Variants in WDFY3 observed in about 807,000 individuals in gnomAD.
The protein encoded by WDFY3 is WD repeat and FYVE domain-containing protein 3.
A neutral mutation model predicts 409.6 loss-of-function variants in WDFY3; 66 were observed. That is an observed-to-expected ratio of 0.16 (90% confidence interval 0.13 to 0.20). The LOEUF is 0.20. WDFY3 is among the 10% of genes least tolerant of loss of function. WDFY3 has a pLI of 1.00. For missense variants in WDFY3, 3,031 were observed against 4,298.1 expected (o/e 0.71, Z 8.24); for synonymous variants, 1,521 against 1,537.1 (o/e 0.99, Z 0.25).
At chr4:84,832,976 A>T (rs747852422) in intron 7 of WDFY3, among the ~76,000 whole-genome samples, 7 of 152,124 alleles carry the variant, frequency 4.6e-5, no homozygotes, top group Non-Finnish European at 1.0e-4. Flanking sequence ...TCAATTTTCT[A>T]TACAAGTAAT....
Position 84,943,497 on chromosome 4 carries a change from C to T in WDFY3, c.-225-11134G>A, listed in dbSNP as rs138992585. On this transcript the variant is annotated intron_variant, in intron 1 of 67. Coordinates refer to ENST00000295888, the MANE Select transcript of WDFY3 (RefSeq NM_014991.6). ...CCAGCCTGGGCGACAGAGCAAGACT[C>T]CGTCTCAGAAAAAAAAAAGAATACA... Among the ~76,000 whole-genome samples the T allele has an allele frequency of 9.4e-3, 1,434 of 151,950 alleles. 9 individuals are homozygous for T. Among genetic ancestry groups the T allele is most frequent in the South Asian group, 0.016 (78 of 4,810 alleles).
intron 41 of WDFY3, among the ~76,000 whole-genome samples, chr4:84,736,608 T>C (rs1222290554): frequency 6.6e-6 from 1 of 152,158 alleles, no homozygotes; most frequent in Non-Finnish European, 1.5e-5. Context: ...TAATAATTCA[T>C]AATCACCTAA....
chr4:84,902,247 T>C (rs1305765152), intron 2 of WDFY3, among the ~76,000 whole-genome samples: 1 of 152,148 alleles, frequency 6.6e-6, no homozygotes, highest in Non-Finnish European at 1.5e-5. Flanking sequence ...CTGTAAACTG[T>C]CACCTGGAAT....
chr4:84,911,091 G>T (rs1767713980), intron 2 of WDFY3, among the ~76,000 whole-genome samples: 1 of 152,080 alleles, frequency 6.6e-6, no homozygotes, highest in South Asian at 2.1e-4. Context: ...AAAAATTAAA[G>T]ACTTTAGTAC....
rs574945057 is a variant in WDFY3, at chr4:84,785,302, G to A, written c.4062+677C>T. On this transcript the variant is annotated intron_variant, in intron 24 of 67. Coordinates refer to ENST00000295888, the MANE Select transcript of WDFY3 (RefSeq NM_014991.6). ...GCAGGTACGTACAGTACACTTCTCAGGGCCTTTGCACTTGTATTCCTGGAA... is the reference window on the plus strand; with the variant it reads ...GCAGGTACGTACAGTACACTTCTCAAGGCCTTTGCACTTGTATTCCTGGAA... Among the ~76,000 whole-genome samples the A allele has an allele frequency of 5.3e-5, 8 of 152,042 alleles. No individual in the cohort carries two copies. In the South Asian group the frequency reaches 1.7e-3, roughly 32 times the overall value.
chr4:84,893,838 A>G (rs527439324), intron 3 of WDFY3, among the ~76,000 whole-genome samples: 1 of 152,226 alleles, frequency 6.6e-6, no homozygotes, highest in South Asian at 2.1e-4. Context: ...TACAAGAAAA[A>G]AATTAGCCAG....
intron 1 of WDFY3, among the ~76,000 whole-genome samples, chr4:84,960,637 A>G (rs1315194037): frequency 6.6e-6 from 1 of 152,026 alleles, no homozygotes; most frequent in Non-Finnish European, 1.5e-5. Context: ...TGTATTTTAC[A>G]AGGTACTCTT....
chr4:84,775,276 T>C lies in WDFY3; in HGVS notation c.4519-138A>G, dbSNP rs368393641. On this transcript the variant is annotated intron_variant, in intron 27 of 67. Coordinates refer to ENST00000295888, the MANE Select transcript of WDFY3 (RefSeq NM_014991.6). ...TTGTAAAGTTCTATAAAACCACTTA[T>C]ATGCAGAAAAAAAATCATTATAAAT... 5.6e-5 allele frequency: 41 copies of C among 729,264 alleles called. 1 individual carries two copies. In the East Asian group the frequency reaches 7.1e-4, roughly 13 times the overall value. The allele number at this position is 729,264 out of a possible 1,614,324, so 45.2% of individuals were successfully genotyped here.
chr4:84,724,615 A>C, intron 45 of WDFY3, 21 bp from the exon 46 acceptor site: 4 of 1,605,216 alleles, frequency 2.5e-6, no homozygotes, highest in Non-Finnish European at 3.4e-6. Flanking sequence ...ACAAAAGAAA[A>C]TGACTCCGAT....
rs1313286981 is a variant in WDFY3, at chr4:84,718,349, A to G, written c.7754+73T>C. On this transcript the variant is annotated intron_variant, in intron 48 of 67. Transcript: ENST00000295888. Reference sequence around the variant, plus strand: ...CCTAGAACACAATTTTTTGATTAAAAAAGAAAACTGCAAATACATTTTCTG... The same window carrying G: ...CCTAGAACACAATTTTTTGATTAAAGAAGAAAACTGCAAATACATTTTCTG... 5.4e-6 allele frequency: 8 copies of G among 1,493,420 alleles called. No homozygotes were observed. In the East Asian group the frequency reaches 1.8e-4, roughly 34 times the overall value. 92.5% of individuals were successfully genotyped at this position (1,493,420 alleles called of 1,614,324 possible).
intron 10 of WDFY3, among the ~76,000 whole-genome samples, chr4:84,826,071 T>C (rs1483902428): frequency 6.6e-6 from 1 of 152,096 alleles, no homozygotes; most frequent in Admixed American, 6.6e-5. Flanking sequence ...TAGTTTTAAA[T>C]AAAATACAAG....
At chr4:84,902,252 T>C (rs990696995) in intron 2 of WDFY3, among the ~76,000 whole-genome samples, 1 of 152,148 alleles carries the variant, frequency 6.6e-6, no homozygotes, top group Non-Finnish European at 1.5e-5. Flanking sequence ...AACTGTCACC[T>C]GGAATTAATC....
chr4:84,782,813 T>C, intron 25 of WDFY3, 150 bp downstream of exon 25: 1 of 602,816 alleles, frequency 1.7e-6, no homozygotes, highest in Non-Finnish European at 2.9e-6. Context: ...GAATTTGAGA[T>C]TGTTACATGT....
chr4:84,775,227 T>C (rs1745350870), intron 27 of WDFY3, 89 bp from the exon 28 acceptor site: 2 of 1,009,496 alleles, frequency 2.0e-6, no homozygotes, highest in Middle Eastern at 3.2e-4. Context: ...ACATGGAACT[T>C]ATTTCACTTA....
chr4:84,946,219 C>T (rs1772810828), intron 1 of WDFY3, among the ~76,000 whole-genome samples: 1 of 152,166 alleles, frequency 6.6e-6, no homozygotes, highest in Non-Finnish European at 1.5e-5. Context: ...AATATGTAAT[C>T]TGAAGTGAAA....
intron 60 of WDFY3, among the ~76,000 whole-genome samples, chr4:84,691,185 G>A (rs1322952245): frequency 6.6e-6 from 1 of 152,172 alleles, no homozygotes; most frequent in Non-Finnish European, 1.5e-5. Context: ...AGGTACTTAT[G>A]GGACCCAAAA....
intron 4 of WDFY3, among the ~76,000 whole-genome samples, chr4:84,850,932 T>TTTTTTTTTTTG (rs1758888568): frequency 2.4e-5 from 1 of 42,516 alleles, no homozygotes; most frequent in Non-Finnish European, 5.1e-5. Context: ...TTATCTGTTT[T>TTTTTTTTTTTG]TTTTTTTTTT....
Position 84,726,916 on chromosome 4 carries a change from A to C in WDFY3, c.7222-5T>G. 6.2e-7 allele frequency: 1 copy of C among 1,605,004 alleles called. No individual in the cohort carries two copies. Among genetic ancestry groups the C allele is most frequent in the Non-Finnish European group, 8.5e-7 (1 of 1,177,350 alleles). On this transcript the variant is annotated splice_polypyrimidine_tract_variant and splice_region_variant and intron_variant, in intron 44 of 67. Coordinates refer to ENST00000295888, the MANE Select transcript of WDFY3 (RefSeq NM_014991.6). ...CTGTTTACTTGGGATCTCAGACTGA[A>C]AACAGGGTATTAAGTATAGACATAT...
rs574418824 is a variant in WDFY3, at chr4:84,872,863, A to T, written c.-31-12241T>A. 4.5e-4 allele frequency among the ~76,000 whole-genome samples: 68 copies of T among 152,330 alleles called. No individual in the cohort carries two copies. The South Asian group carries it at 6.6e-3, about 15-fold the overall frequency. On this transcript the variant is annotated intron_variant, in intron 3 of 67. Coordinates refer to ENST00000295888, the MANE Select transcript of WDFY3 (RefSeq NM_014991.6). Reference sequence around the variant, plus strand: ...TACCCTTGAAATAAAAAAGATTTTTAAAAAAAGCAGGATGCAGTAGCTAAA... The same window carrying T: ...TACCCTTGAAATAAAAAAGATTTTTTAAAAAAGCAGGATGCAGTAGCTAAA...
Sources: gnomAD v4.1 joint callset for allele counts (sites outside exome capture counted in the v4.1 genomes callset) on GRCh38, gnomAD v4.1.1 for gene constraint, MANE v1.5 for transcripts, NCBI Gene and HGNC (gene_info 2026-07-23, HGNC 2026-07-21) for gene names.